TRMT61B: variants seen among roughly 807,000 people sequenced by gnomAD.
The protein encoded by TRMT61B is tRNA (adenine(58)-N(1))-methyltransferase, mitochondrial.
TRMT61B carries 56 observed loss-of-function variants against 52.0 expected under a neutral mutation model. The observed-to-expected ratio is 1.08, with a 90% CI of 0.87 to 1.35. TRMT61B has a LOEUF of 1.35. Ranked by LOEUF, TRMT61B falls within the 40% of genes most tolerant of loss-of-function variation. The pLI, the probability that TRMT61B is intolerant of heterozygous loss-of-function variation, is 0.00. For missense variants in TRMT61B, 650 were observed against 577.9 expected (o/e 1.12, Z -1.28); for synonymous variants, 206 against 220.0 (o/e 0.94, Z 0.56).
rs777663288 is a variant in TRMT61B at position 28,870,255 on chromosome 2, C to T, written c.23G>A (p.Gly8Asp). 5 of 1,597,526 alleles carry T rather than the reference C, an allele frequency of 3.1e-6. No individual in the cohort carries two copies. Among genetic ancestry groups the T allele is most frequent in the Non-Finnish European group, 4.3e-6 (5 of 1,173,744 alleles). MLMAWCRGPVLLCLRQGL... is the reference protein window; with the variant it reads MLMAWCRDPVLLCLRQGL... ...CTGCCGCAGGCACAGCAAGACAGGACCGCGGCACCATGCCATTAGCATAGT... is the reference window on the plus strand; with the variant it reads ...CTGCCGCAGGCACAGCAAGACAGGATCGCGGCACCATGCCATTAGCATAGT... Residue 8 changes from glycine to aspartate, a missense_variant, in exon 1 of 7, where the codon GGT (glycine) becomes GAT (aspartate). Gly to Asp is a moderately conservative substitution (Grantham distance 94). Transcript: ENST00000306108.
rs940829463 is a variant in TRMT61B, at chr2:28,850,320, T to C, written c.1390+8A>G. 4.4e-6 allele frequency: 7 copies of C among 1,607,006 alleles called. No homozygotes were observed. The African/African-American group carries it at 8.0e-5, about 18-fold the overall frequency. Reference sequence around the variant, plus strand: ...CACCATTTAATATGTTCTGAAAACATTACTCACCTGTATGACCAGGTTGCC... The same window carrying C: ...CACCATTTAATATGTTCTGAAAACACTACTCACCTGTATGACCAGGTTGCC... On this transcript the variant is annotated splice_region_variant and intron_variant, in intron 6 of 6. Coordinates refer to ENST00000306108, the MANE Select transcript of TRMT61B (RefSeq NM_017910.4).
intron 5 of TRMT61B, among the ~76,000 whole-genome samples, chr2:28,850,860 T>C (rs995325320): frequency 6.6e-6 from 1 of 152,216 alleles, no homozygotes; most frequent in Non-Finnish European, 1.5e-5. Context: ...AAAATATGAA[T>C]ATTATAAAAA....
At chr2:28,851,593 T>C (rs1669098265) in intron 4 of TRMT61B, among the ~76,000 whole-genome samples, 1 of 151,968 alleles carries the variant, frequency 6.6e-6, no homozygotes, top group African/African-American at 2.4e-5. Context: ...ATTTAAACAG[T>C]AATATAGGGT....
In TRMT61B at chr2:28,869,798, C is replaced by A. The variant is rs140115429; in HGVS notation, c.480G>T (p.Glu160Asp). The change falls in exon 1 of 7, where the codon GAG becomes GAT. Residue 160 changes from glutamate (E) to aspartate (D), a missense_variant. Physicochemically the swap from Glu to Asp is conservative, Grantham distance 45. Coordinates refer to ENST00000306108, the MANE Select transcript of TRMT61B (RefSeq NM_017910.4). ...PFQAGELILA[E>D]TGEGETKFKK... ...TAAATTTTGTTTCTCCCTCCCCAGT[C>A]TCAGCTAAAATCAGTTCCCCAGCCT... 5.4e-5 allele frequency: 87 copies of A among 1,614,072 alleles called. No individual in the cohort carries two copies. The highest frequency in any genetic ancestry group is 7.2e-5 in the Non-Finnish European group (85 of 1,180,038).
At chr2:28,869,155 A>G (rs1669971875) in intron 1 of TRMT61B, among the ~76,000 whole-genome samples, 1 of 152,162 alleles carries the variant, frequency 6.6e-6, no homozygotes, top group African/African-American at 2.4e-5. Flanking sequence ...TTGTTAATAT[A>G]CTCTTGTAAC....
rs1450247892 is a variant in TRMT61B at position 28,870,071 on chromosome 2, A to G, written c.207T>C (p.Ser69=). The G allele has an allele frequency of 6.2e-7, 1 of 1,613,560 alleles. No homozygotes were observed. The highest frequency in any genetic ancestry group is 8.5e-7 in the Non-Finnish European group (1 of 1,179,930). ...CAATGTCCGAGATGCTCAGAGGGAGAGATGGGCAAGACTCTGCTCCTGGGG... is the reference window on the plus strand; with the variant it reads ...CAATGTCCGAGATGCTCAGAGGGAGGGATGGGCAAGACTCTGCTCCTGGGG... The part of the protein sequence containing the change: ...RKAPGAESCP[S]LPLSISDIGT... Residue 69 remains serine (S), a synonymous_variant, in exon 1 of 7, where the codon TCT becomes TCC. Coordinates refer to ENST00000306108, the MANE Select transcript of TRMT61B (RefSeq NM_017910.4).
intron 1 of TRMT61B, among the ~76,000 whole-genome samples, chr2:28,867,744 C>G (rs1283469699): frequency 6.6e-6 from 1 of 152,060 alleles, no homozygotes; most frequent in Non-Finnish European, 1.5e-5. Context: ...TTACGAAAGT[C>G]TTTTAGTTTT....
At chr2:28,857,038 ATCC>A (rs1472048928) in intron 3 of TRMT61B, among the ~76,000 whole-genome samples, 1 of 151,928 alleles carries the variant, frequency 6.6e-6, no homozygotes, top group Admixed American at 6.6e-5. Context: ...GGTTCCAGCG[ATCC>A]TCCTACCTCA....
intron 3 of TRMT61B, among the ~76,000 whole-genome samples, chr2:28,856,569 T>C (rs536855268): frequency 3.9e-5 from 6 of 152,126 alleles, no homozygotes; most frequent in Non-Finnish European, 7.4e-5. Context: ...TCTACAGCCA[T>C]GGTGTTTTAT....
At position 28,869,923 on chromosome 2, in the gene TRMT61B, A is replaced by C; in HGVS notation, c.355T>G (p.Ser119Ala). 6.2e-7 allele frequency: 1 copy of C among 1,613,854 alleles called. No individual in the cohort carries two copies. Among genetic ancestry groups the C allele is most frequent in the Non-Finnish European group, 8.5e-7 (1 of 1,179,932 alleles). ...QGRCGPTHQG[S>A]EDPSMLSQAQ... ...TGCGAGAGCATCGAAGGATCCTCGG[A>C]TCCCTGGTGTGTGGGACCGCACCGG... The change falls in exon 1 of 7, where the codon TCC (serine) becomes GCC (alanine). Residue 119 changes from serine to alanine, a missense_variant. Transcript: ENST00000306108.
chr2:28,858,579 G>A (rs1384573903), intron 3 of TRMT61B, among the ~76,000 whole-genome samples: 1 of 151,298 alleles, frequency 6.6e-6, no homozygotes, highest in Admixed American at 6.6e-5. Context: ...TGGATCGCTT[G>A]AGCCCTGGAG....
intron 1 of TRMT61B, 65 bp from the exon 2 acceptor site, chr2:28,865,184 T>C: frequency 1.1e-6 from 1 of 897,430 alleles, no homozygotes; most frequent in South Asian, 1.4e-5. Context: ...CCTAGTCTTA[T>C]CTTACATTGT....
At position 28,869,779 on chromosome 2, in the gene TRMT61B, T is replaced by C. The variant is rs781118030; in HGVS notation, c.499A>G (p.Lys167Glu). The C allele has an allele frequency of 1.1e-5, 18 of 1,614,020 alleles. No homozygotes were observed. Among genetic ancestry groups the C allele is most frequent in the Admixed American group, 1.7e-5 (1 of 59,994 alleles). ...ILAETGEGET[K>E]FKKLFRLNNF... Reference sequence around the variant, plus strand: ...TTCAACCTAAATAATTTCTTAAATTTTGTTTCTCCCTCCCCAGTCTCAGCT... The same window carrying C: ...TTCAACCTAAATAATTTCTTAAATTCTGTTTCTCCCTCCCCAGTCTCAGCT... Residue 167 changes from lysine (K) to glutamate (E), a missense_variant, in exon 1 of 7, where the codon AAA (lysine) becomes GAA (glutamate). By Grantham distance (56) the Lys-to-Glu change is moderately conservative (BLOSUM62 1). Coordinates refer to ENST00000306108, the MANE Select transcript of TRMT61B (RefSeq NM_017910.4).
At chr2:28,852,930 C>T (rs1035953913) in intron 3 of TRMT61B, among the ~76,000 whole-genome samples, 15 of 152,110 alleles carry the variant, frequency 9.9e-5, no homozygotes, top group African/African-American at 3.4e-4. Flanking sequence ...TCATACTCCA[C>T]CCTGGGCAAG....
chr2:28,869,656 G>A lies in TRMT61B; in HGVS notation c.622C>T (p.Gln208Ter). The stretch of plus-strand genomic sequence containing the variant: ...AAGGCTGGCCTCCTCAGCATGTACT[G>A]CTTACCGAAGGAACTCCTCAGTATC... ...GQILRSSFGKQYMLRRPALED... is the reference protein window; with the variant it reads ...GQILRSSFGK Residue 208 changes from glutamine to a stop codon, truncating the protein, a stop_gained, in exon 1 of 7, where the codon CAG (glutamine) becomes TAG (stop). Coordinates refer to ENST00000306108, the MANE Select transcript of TRMT61B (RefSeq NM_017910.4). LOFTEE classifies it high-confidence loss of function. 1 of 1,614,064 alleles carries A rather than the reference G, an allele frequency of 6.2e-7. No homozygotes were observed. The highest frequency in any genetic ancestry group is 8.5e-7 in the Non-Finnish European group (1 of 1,180,000).
At chr2:28,868,604 T>C (rs1669948486) in intron 1 of TRMT61B, among the ~76,000 whole-genome samples, 1 of 152,210 alleles carries the variant, frequency 6.6e-6, no homozygotes, top group South Asian at 2.1e-4. Context: ...GCTGAATAAA[T>C]AACGAATGAA....
rs1238997920 is a variant in TRMT61B at position 28,870,263 on chromosome 2, C to A, written c.15G>T (p.Trp5Cys). The A allele has an allele frequency of 3.1e-6, 5 of 1,592,024 alleles. No homozygotes were observed. The African/African-American group carries it at 4.0e-5, about 13-fold the overall frequency. Residue 5 changes from tryptophan (W) to cysteine (C), a missense_variant, in exon 1 of 7, where the codon TGG becomes TGT. Transcript: ENST00000306108. Reference sequence around the variant, plus strand: ...GGCACAGCAAGACAGGACCGCGGCACCATGCCATTAGCATAGTGTTTCGCG... The same window carrying A: ...GGCACAGCAAGACAGGACCGCGGCAACATGCCATTAGCATAGTGTTTCGCG... MLMA[W>C]CRGPVLLCLR... is the part of the protein sequence containing the mutation.
intron 3 of TRMT61B, among the ~76,000 whole-genome samples, chr2:28,859,294 T>A (rs748325542): frequency 6.6e-6 from 1 of 151,832 alleles, no homozygotes; most frequent in Non-Finnish European, 1.5e-5. Flanking sequence ...TTAGCCAGGA[T>A]GGTCTCCATC....
intron 3 of TRMT61B, among the ~76,000 whole-genome samples, chr2:28,857,982 G>A (rs1367968607): frequency 6.6e-6 from 1 of 151,336 alleles, no homozygotes; most frequent in African/African-American, 2.4e-5. Flanking sequence ...TTTATTGTTA[G>A]TATTCCATTG....
Sources: gnomAD v4.1 joint callset for allele counts (sites outside exome capture counted in the v4.1 genomes callset) on GRCh38, gnomAD v4.1.1 for gene constraint, MANE v1.5 for transcripts, NCBI Gene and HGNC (gene_info 2026-07-23, HGNC 2026-07-21) for gene names.